KLHDC10: variants seen among roughly 807,000 people sequenced by gnomAD.
The protein encoded by KLHDC10 is kelch domain containing 10.
KLHDC10 carries 24 observed loss-of-function variants against 56.1 expected under a neutral mutation model. The ratio of observed to expected loss-of-function variants is 0.43; its 90% CI spans 0.31 to 0.60. KLHDC10 has a LOEUF of 0.60. Among genes scored for constraint, KLHDC10 ranks in the 20% least tolerant of loss-of-function variants. KLHDC10 has a pLI of 0.11. For synonymous variants in KLHDC10, 188 were observed against 207.1 expected, an observed-to-expected ratio of 0.91 and a Z score of 0.79; for missense variants, 349 against 567.0, an observed-to-expected ratio of 0.62 and a Z score of 3.91.
intron 3 of KLHDC10, among the ~76,000 whole-genome samples, chr7:130,118,708 A>G (rs1796205217): frequency 6.6e-6 from 1 of 152,090 alleles, no homozygotes; most frequent in South Asian, 2.1e-4. Context: ...TCTTCCTTTC[A>G]CTTCAATACT....
intron 2 of KLHDC10, among the ~76,000 whole-genome samples, chr7:130,097,329 G>A (rs142995576): frequency 1.6e-3 from 237 of 151,856 alleles, no homozygotes; most frequent in East Asian, 7.7e-3. Context: ...TATGGATGTG[G>A]GAAAGAATTT....
chr7:130,082,163 T>C (rs947480999), intron 1 of KLHDC10, among the ~76,000 whole-genome samples: 1 of 151,966 alleles, frequency 6.6e-6, no homozygotes, highest in African/African-American at 2.4e-5. Context: ...AAATAAACAA[T>C]ATTAGCCAGC....
At chr7:130,117,840 AC>A (rs1173212460) in intron 3 of KLHDC10, among the ~76,000 whole-genome samples, 2 of 119,922 alleles carry the variant, frequency 1.7e-5, no homozygotes, top group Non-Finnish European at 3.4e-5. Flanking sequence ...ACAGAGTAAG[AC>A]CCTGTCTCAA....
Position 130,116,720 on chromosome 7 carries a change from G to A in KLHDC10, c.475+54G>A, listed in dbSNP as rs1584635945. On this transcript the variant is annotated intron_variant, in intron 3 of 9. Transcript: ENST00000335420. The surrounding 1 kb of genome is among the most constrained non-coding windows in gnomAD (Gnocchi z 4.8). The stretch of plus-strand genomic sequence containing the variant: ...CTTTATGAAATGTCTGAGAAGCCAG[G>A]TTCAATGTCCCATATTCCTCATTAA... The A allele has an allele frequency of 7.3e-7, 1 of 1,371,496 alleles. No homozygotes were observed. Among genetic ancestry groups the A allele is most frequent in the East Asian group, 2.3e-5 (1 of 43,742 alleles). 85.0% of individuals were successfully genotyped at this position (1,371,496 alleles called of 1,614,324 possible). A position where few individuals can be genotyped will look rare whatever the true frequency, so the allele number is the denominator to read the frequency against.
At chr7:130,079,716 TGCC>T (rs1795571967) in intron 1 of KLHDC10, among the ~76,000 whole-genome samples, 1 of 89,170 alleles carries the variant, frequency 1.1e-5, no homozygotes, top group Non-Finnish European at 2.7e-5. Context: ...CCTGCCTGCC[TGCC>T]TTCCTGCCTT....
At chr7:130,083,294 G>T (rs1043073333) in intron 1 of KLHDC10, among the ~76,000 whole-genome samples, 1 of 152,108 alleles carries the variant, frequency 6.6e-6, no homozygotes, top group African/African-American at 2.4e-5. Flanking sequence ...ATTCCTTATA[G>T]AATTGGTCAC....
intron 9 of KLHDC10, 145 bp downstream of exon 9, chr7:130,129,721 C>T: frequency 1.4e-6 from 1 of 703,532 alleles, no homozygotes; most frequent in Non-Finnish European, 2.2e-6. Context: ...CAAAGCTAGG[C>T]CCTCCTCTAA....
intron 1 of KLHDC10, among the ~76,000 whole-genome samples, chr7:130,094,440 G>A (rs28648547): frequency 0.33 from 49,463 of 151,640 alleles, 8,936 homozygotes; most frequent in East Asian, 0.43. Flanking sequence ...ATACAGTATT[G>A]TTTTTCTTCC....
At chr7:130,096,863 TG>T (rs1795856315) in intron 1 of KLHDC10, 57 bp from the exon 2 acceptor site, 1 of 1,152,340 alleles carries the variant, frequency 8.7e-7, no homozygotes, top group African/African-American at 1.5e-5. Flanking sequence ...ACAGTAACTA[TG>T]TATTATTTGC....
intron 1 of KLHDC10, among the ~76,000 whole-genome samples, chr7:130,085,112 G>A (rs952142968): frequency 2.6e-5 from 4 of 151,584 alleles, no homozygotes; most frequent in Admixed American, 6.6e-5. Context: ...TTGGGAGGCC[G>A]AGACGAGGTT....
chr7:130,078,835 T>A (rs867200457), intron 1 of KLHDC10, among the ~76,000 whole-genome samples: 1 of 152,178 alleles, frequency 6.6e-6, no homozygotes, highest in Non-Finnish European at 1.5e-5. Flanking sequence ...TCACTTTTGA[T>A]ACTTATTTCT....
chr7:130,106,440 G>C (rs1399542699), intron 2 of KLHDC10, among the ~76,000 whole-genome samples: 1 of 152,140 alleles, frequency 6.6e-6, no homozygotes, highest in Non-Finnish European at 1.5e-5. Context: ...AATAAAGCGA[G>C]AAAGAGCGGT....
intron 2 of KLHDC10, among the ~76,000 whole-genome samples, chr7:130,102,286 C>T (rs889490634): frequency 2.6e-5 from 4 of 152,146 alleles, no homozygotes; most frequent in Non-Finnish European, 5.9e-5. Context: ...ATTAATACAA[C>T]TGTTGAGGAA....
At chr7:130,108,735 A>G (rs1386416227) in intron 2 of KLHDC10, among the ~76,000 whole-genome samples, 1 of 151,606 alleles carries the variant, frequency 6.6e-6, no homozygotes, top group Non-Finnish European at 1.5e-5. Context: ...CAAAAAAAAA[A>G]AAAAAGAAAG....
chr7:130,071,356 A>C (rs180942099), intron 1 of KLHDC10, among the ~76,000 whole-genome samples: 2 of 152,176 alleles, frequency 1.3e-5, no homozygotes, highest in African/African-American at 4.8e-5. Flanking sequence ...TAGTTGGATT[A>C]TTAATATTTT....
chr7:130,074,611 T>TTC (rs1554461635), intron 1 of KLHDC10, among the ~76,000 whole-genome samples: 1 of 150,882 alleles, frequency 6.6e-6, no homozygotes. Flanking sequence ...AAAATCAAGG[T>TTC]TCTCTCTCTT....
intron 2 of KLHDC10, among the ~76,000 whole-genome samples, chr7:130,110,324 T>G (rs148018603): frequency 3.9e-4 from 60 of 152,248 alleles, no homozygotes; most frequent in African/African-American, 1.4e-3. Flanking sequence ...CAAAAGTAAA[T>G]GGAGAAAAAT....
rs2116901350 is a variant in KLHDC10, at chr7:130,116,028, GT to G, written c.254-415del. 6.6e-6 allele frequency among the ~76,000 whole-genome samples: 1 copy of G among 152,096 alleles called. No individual in the cohort carries two copies. The highest frequency in any genetic ancestry group is 2.1e-4 in the South Asian group (1 of 4,818). On this transcript the variant is annotated intron_variant, in intron 2 of 9. Transcript: ENST00000335420. The surrounding 1 kb of genome is among the most constrained non-coding windows in gnomAD (Gnocchi z 4.8). ...TCATATTCGTGATTATATTTATTTA[GT>G]TCTCTAATATTCACAGTTTAATTTA...
intron 7 of KLHDC10, among the ~76,000 whole-genome samples, chr7:130,126,253 G>A (rs1796314666): frequency 6.6e-6 from 1 of 152,186 alleles, no homozygotes; most frequent in Non-Finnish European, 1.5e-5. Context: ...GGGAAATAGA[G>A]GCTGTAGTTA....
Sources: gnomAD v4.1 joint callset for allele counts (sites outside exome capture counted in the v4.1 genomes callset) on GRCh38, gnomAD v4.1.1 for gene constraint, Gnocchi (gnomAD v3.1) non-coding constraint, MANE v1.5 for transcripts, NCBI Gene and HGNC (gene_info 2026-07-23, HGNC 2026-07-21) for gene names.